STAB2: variants seen among roughly 807,000 people sequenced by gnomAD.
STAB2 encodes stabilin 2.
Under a neutral mutation model 338.1 loss-of-function variants are expected in STAB2, and 288 were observed. That is an observed-to-expected ratio of 0.85 (90% CI 0.77 to 0.94). The LOEUF (loss-of-function observed/expected upper bound fraction) is 0.94. Ranked by LOEUF, STAB2 falls within the 40% of genes least tolerant of loss-of-function variation. The pLI, the probability that STAB2 is intolerant of heterozygous loss-of-function variation, is 0.00. For missense variants in STAB2, 3,141 were observed against 3,210.1 expected (o/e 0.98, Z 0.52); for synonymous variants, 1,202 against 1,193.3 (o/e 1.01, Z -0.15).
rs551636349 is a variant in STAB2 at position 103,658,804 on chromosome 12, G to A, written c.1735-1527G>A. On this transcript the variant is annotated intron_variant, in intron 15 of 68. Transcript: ENST00000388887. Reference sequence around the variant, plus strand: ...CTGCACTTGCTGGGGACATGGTGATGGGTGGTTAGCAAACCAGACAGACCC... The same window carrying A: ...CTGCACTTGCTGGGGACATGGTGATAGGTGGTTAGCAAACCAGACAGACCC... 2.0e-4 allele frequency among the ~76,000 whole-genome samples: 31 copies of A among 152,274 alleles called. 1 individual carries two copies. Among genetic ancestry groups the A allele is most frequent in the African/African-American group, 7.2e-4 (30 of 41,552 alleles).
intron 6 of STAB2, among the ~76,000 whole-genome samples, chr12:103,635,050 T>C (rs1457724002): frequency 6.6e-6 from 1 of 152,216 alleles, no homozygotes; most frequent in Admixed American, 6.5e-5. Context: ...ACTATTTTAC[T>C]CAACTAGCCA....
chr12:103,764,766 T>A (rs77340247), intron 68 of STAB2, among the ~76,000 whole-genome samples: 1 of 152,158 alleles, frequency 6.6e-6, no homozygotes, highest in Non-Finnish European at 1.5e-5. Context: ...CATATTTTTT[T>A]AATCAAACCC....
intron 29 of STAB2, among the ~76,000 whole-genome samples, chr12:103,690,217 A>C (rs1396124009): frequency 6.6e-6 from 1 of 152,232 alleles, no homozygotes; most frequent in Admixed American, 6.5e-5. Flanking sequence ...ACCCTATGAT[A>C]GATATTGTAA....
Position 103,712,441 on chromosome 12 carries a change from C to T in STAB2, c.4409C>T (p.Thr1470Ile), listed in dbSNP as rs138119925. The T allele has an allele frequency of 2.5e-6, 4 of 1,612,960 alleles. No homozygotes were observed. The highest frequency in any genetic ancestry group is 3.4e-6 in the Non-Finnish European group (4 of 1,179,108). ...TTCCAAGGAAACGGGACCATCTGCA[C>T]AGGCAAGCGAAGGAAGGAATTTGCT... is the stretch of plus-strand genomic sequence containing the variant. ...AGFQGNGTIC[T>I]AINACEISNG... Residue 1470 changes from threonine (T) to isoleucine (I), a missense_variant and splice_region_variant, in exon 41 of 69, where the codon ACA becomes ATA. Coordinates refer to ENST00000388887, the MANE Select transcript of STAB2 (RefSeq NM_017564.10).
rs369145874 is a variant in STAB2 at position 103,654,710 on chromosome 12, G to C, written c.1551+12G>C. ...AGAGCAACAATGAGGTGAGTATTCA[G>C]ATAAAAGTCACATCAGGCCAGGTCC... On this transcript the variant is annotated intron_variant, in intron 13 of 68. Coordinates refer to ENST00000388887, the MANE Select transcript of STAB2 (RefSeq NM_017564.10). 1.2e-6 allele frequency: 2 copies of C among 1,612,352 alleles called. No homozygotes were observed. Among genetic ancestry groups the C allele is most frequent in the African/African-American group, 2.7e-5 (2 of 74,950 alleles).
chr12:103,594,289 C>T (rs1032280809), intron 2 of STAB2, 106 bp from the exon 3 acceptor site: 22 of 772,928 alleles, frequency 2.8e-5, no homozygotes, highest in African/African-American at 2.6e-4. Flanking sequence ...ATATTTTTAA[C>T]TGTAGATAAA....
intron 68 of STAB2, 199 bp downstream of exon 68, chr12:103,763,807 G>C (rs1884716667): frequency 2.0e-6 from 1 of 509,780 alleles, no homozygotes; most frequent in Non-Finnish European, 3.5e-6. Flanking sequence ...CTCTTGGGTA[G>C]ACAGCAGAAT....
intron 56 of STAB2, among the ~76,000 whole-genome samples, chr12:103,742,986 C>T (rs189347146): frequency 1.0e-4 from 15 of 150,672 alleles, no homozygotes; most frequent in Admixed American, 7.9e-4. Context: ...GTACAAAGAG[C>T]TTAAGTGATT....
chr12:103,675,087 T>C (rs977842334), intron 23 of STAB2, among the ~76,000 whole-genome samples: 3 of 152,244 alleles, frequency 2.0e-5, no homozygotes, highest in African/African-American at 7.2e-5. Context: ...GGACACTAGA[T>C]AATGTATTTT....
At position 103,677,536 on chromosome 12, in the gene STAB2, G is replaced by T. The variant is rs1242899908; in HGVS notation, c.2730G>T (p.Glu910Asp). ...GWTGNGRDCS[E>D]INNCLLPSAG... ...CAGGGAATGGGAGAGACTGCTCGGA[G>T]ATCAACAACTGCCTGCTGCCCAGTG... Residue 910 changes from glutamate to aspartate, a missense_variant, in exon 25 of 69, where the codon GAG (glutamate) becomes GAT (aspartate). Glu to Asp is a conservative substitution (Grantham distance 45, BLOSUM62 2). Coordinates refer to ENST00000388887, the MANE Select transcript of STAB2 (RefSeq NM_017564.10). 1.9e-6 allele frequency: 3 copies of T among 1,614,108 alleles called. No homozygotes were observed. The African/African-American group carries it at 4.0e-5, about 22-fold the overall frequency.
intron 2 of STAB2, among the ~76,000 whole-genome samples, chr12:103,591,255 T>A (rs981011796): frequency 7.2e-5 from 11 of 152,070 alleles, no homozygotes; most frequent in African/African-American, 2.7e-4. Flanking sequence ...GAGGCCGAGA[T>A]GGGAGTATCA....
At chr12:103,619,086 C>T (rs1279908619) in intron 3 of STAB2, among the ~76,000 whole-genome samples, 1 of 152,170 alleles carries the variant, frequency 6.6e-6, no homozygotes. Context: ...AACAGTGAGT[C>T]CATTAAATCT....
At chr12:103,734,640 A>G (rs965907433) in intron 51 of STAB2, among the ~76,000 whole-genome samples, 3 of 152,218 alleles carry the variant, frequency 2.0e-5, no homozygotes, top group Non-Finnish European at 2.9e-5. Context: ...CAAGAATGCC[A>G]AATGCCCCAA....
At chr12:103,679,627 C>A (rs942657021) in intron 25 of STAB2, among the ~76,000 whole-genome samples, 1 of 152,120 alleles carries the variant, frequency 6.6e-6, no homozygotes, top group African/African-American at 2.4e-5. Flanking sequence ...GATAGAAAAT[C>A]TGTGTCAGGG....
intron 25 of STAB2, among the ~76,000 whole-genome samples, chr12:103,682,261 T>G (rs887613903): frequency 1.3e-5 from 2 of 152,038 alleles, no homozygotes; most frequent in Non-Finnish European, 2.9e-5. Flanking sequence ...TCAGATTGAG[T>G]GTGTCCACAT....
intron 23 of STAB2, 59 bp from the exon 24 acceptor site, chr12:103,675,869 C>T: frequency 7.2e-7 from 1 of 1,396,060 alleles, no homozygotes; most frequent in Non-Finnish European, 9.9e-7. Context: ...AGCTGGCTGG[C>T]TCTCTTCTGG....
intron 34 of STAB2, among the ~76,000 whole-genome samples, chr12:103,700,238 C>T (rs1205304922): frequency 2.0e-5 from 3 of 151,948 alleles, no homozygotes; most frequent in Non-Finnish European, 2.9e-5. Flanking sequence ...GTTTGAAATT[C>T]AATAAGAAAC....
At chr12:103,597,146 G>T (rs907859550) in intron 3 of STAB2, among the ~76,000 whole-genome samples, 1 of 151,878 alleles carries the variant, frequency 6.6e-6, no homozygotes, top group East Asian at 1.9e-4. Flanking sequence ...TAGATGTCTC[G>T]AAAGGCTTCC....
At chr12:103,660,219 T>C in intron 15 of STAB2, 112 bp from the exon 16 acceptor site, 1 of 1,139,502 alleles carries the variant, frequency 8.8e-7, no homozygotes, top group Non-Finnish European at 1.3e-6. Context: ...GATTTCCCAA[T>C]AGATTATGGG....
Sources: allele counts gnomAD v4.1 joint callset (sites outside exome capture counted in the v4.1 genomes callset), GRCh38; gene constraint gnomAD v4.1.1; transcripts MANE v1.5; gene names NCBI Gene and HGNC (gene_info 2026-07-23, HGNC 2026-07-21).